The following DNAJC5 variants were observed in gnomAD, a reference collection of about 807,000 sequenced individuals.
DNAJC5 encodes dnaJ homolog subfamily C member 5.
In DNAJC5, 1 loss-of-function variant was observed where a neutral mutation model predicts 23.2. The ratio of observed to expected loss-of-function variants is 0.04; its 90% CI spans 0.02 to 0.20. The LOEUF (loss-of-function observed/expected upper bound fraction) is 0.20. Ranked by LOEUF, DNAJC5 falls within the 10% of genes least tolerant of loss-of-function variation. The pLI, the probability that DNAJC5 is intolerant of heterozygous loss-of-function variation, is 1.00. For synonymous variants in DNAJC5, 136 were observed against 120.0 expected, an observed-to-expected ratio of 1.13 and a Z score of -0.87; for missense variants, 180 against 267.0, an observed-to-expected ratio of 0.67 and a Z score of 2.27.
At chr20:63,926,730 C>T (rs765856003) in intron 1 of DNAJC5, among the ~76,000 whole-genome samples, 6 of 152,170 alleles carry the variant, frequency 3.9e-5, no homozygotes, top group African/African-American at 7.2e-5. Flanking sequence ...CCTTTCTATT[C>T]GGGACCCCCG....
At chr20:63,930,371 G>A (rs891257056) in intron 3 of DNAJC5, among the ~76,000 whole-genome samples, 2 of 151,300 alleles carry the variant, frequency 1.3e-5, no homozygotes, top group African/African-American at 2.4e-5. Context: ...TTTTTGAGAC[G>A]GAGTCTCGCT....
chr20:63,912,361 T>A (rs940848181), intron 1 of DNAJC5, among the ~76,000 whole-genome samples: 12 of 152,214 alleles, frequency 7.9e-5, no homozygotes, highest in Middle Eastern at 3.4e-3. Flanking sequence ...ACACAGCGTC[T>A]TTTCTCTAGC....
chr20:63,896,762 T>G (rs2053378276), intron 1 of DNAJC5, among the ~76,000 whole-genome samples: 1 of 152,154 alleles, frequency 6.6e-6, no homozygotes. Flanking sequence ...TACTGTGAGT[T>G]AGTAAGGTCC....
At chr20:63,927,188 G>C (rs778591617) in intron 1 of DNAJC5, among the ~76,000 whole-genome samples, 9 of 152,160 alleles carry the variant, frequency 5.9e-5, no homozygotes, top group Non-Finnish European at 1.3e-4. Flanking sequence ...TGACTGTCAC[G>C]TCATGGTGGT....
intron 1 of DNAJC5, among the ~76,000 whole-genome samples, chr20:63,926,685 G>A (rs7272419): frequency 1.8e-3 from 275 of 152,302 alleles, no homozygotes; most frequent in African/African-American, 4.4e-3. Context: ...GCTGGCAGGC[G>A]AGAAGGAAAA....
intron 1 of DNAJC5, among the ~76,000 whole-genome samples, chr20:63,896,758 GAGTT>G (rs773475454): frequency 5.9e-5 from 9 of 152,120 alleles, no homozygotes; most frequent in Admixed American, 2.6e-4. Context: ...ATTTTACTGT[GAGTT>G]AGTAAGGTCC....
intron 1 of DNAJC5, among the ~76,000 whole-genome samples, chr20:63,914,569 G>A (rs567252738): frequency 8.0e-5 from 12 of 149,708 alleles, no homozygotes; most frequent in African/African-American, 2.7e-4. Context: ...CACCCGCCTC[G>A]GCCTCCCAAA....
rs576845383 is a variant in DNAJC5 at position 63,920,170 on chromosome 20, G to A, written c.-11-8165G>A. ...CAGCGCCACGGAAGAGGACGCACCC[G>A]GCTGTGTGGCAGGGGAGGTTCCCAA... On this transcript the variant is annotated intron_variant, in intron 1 of 4. Transcript: ENST00000360864. The surrounding 1 kb of genome is among the most constrained non-coding windows in gnomAD (Gnocchi z 4.6). 1.1e-3 allele frequency among the ~76,000 whole-genome samples: 170 copies of A among 152,350 alleles called. No homozygotes were observed. The highest frequency in any genetic ancestry group is 3.7e-3 in the African/African-American group (155 of 41,580).
chr20:63,927,318 C>T (rs2053624639), intron 1 of DNAJC5, among the ~76,000 whole-genome samples: 1 of 152,098 alleles, frequency 6.6e-6, no homozygotes, highest in Non-Finnish European at 1.5e-5. Context: ...GGAGTTCAGC[C>T]TGAGGTCGGG....
chr20:63,906,678 C>T (rs963433269), intron 1 of DNAJC5, among the ~76,000 whole-genome samples: 10 of 151,888 alleles, frequency 6.6e-5, no homozygotes, highest in South Asian at 2.1e-4. Flanking sequence ...CCCAGCTACT[C>T]GGGAGGCTGA....
intron 1 of DNAJC5, among the ~76,000 whole-genome samples, chr20:63,923,002 G>A (rs571205104): frequency 2.6e-5 from 4 of 151,974 alleles, no homozygotes; most frequent in Middle Eastern, 6.8e-3. Flanking sequence ...TTAGCCAGGC[G>A]TGGTGGTACG....
chr20:63,896,988 C>T (rs571023026), intron 1 of DNAJC5, among the ~76,000 whole-genome samples: 1 of 152,054 alleles, frequency 6.6e-6, no homozygotes, highest in Non-Finnish European at 1.5e-5. Context: ...TCTCACCTGC[C>T]CAATGAGGAA....
intron 1 of DNAJC5, among the ~76,000 whole-genome samples, chr20:63,912,036 C>T (rs1482228981): frequency 6.6e-6 from 1 of 152,110 alleles, no homozygotes; most frequent in Admixed American, 6.5e-5. Flanking sequence ...AGCACACTGG[C>T]TCATATCTGT....
At position 63,934,905 on chromosome 20, in the gene DNAJC5, G is replaced by A. The variant is rs938010915; in HGVS notation, c.*3337G>A. On this transcript the variant is annotated 3_prime_UTR_variant, in exon 5 of 5. Coordinates refer to ENST00000360864, the MANE Select transcript of DNAJC5 (RefSeq NM_025219.3). ...ACCAGCATGCAGGCTGCCACTGGAG[G>A]GTCCGGGTGCTGCGGGCAGAGTTCA... 6.6e-6 allele frequency: 1 copy of A among 152,316 alleles called. No homozygotes were observed. The highest frequency in any genetic ancestry group is 1.5e-5 in the Non-Finnish European group (1 of 68,142). The allele number at this position is 152,316 out of a possible 1,614,324, so 9.4% of individuals were successfully genotyped here. A position where few individuals can be genotyped will look rare whatever the true frequency, so the allele number is the denominator to read the frequency against.
At chr20:63,900,575 T>TA (rs1376032330) in intron 1 of DNAJC5, among the ~76,000 whole-genome samples, 1 of 28,184 alleles carries the variant, frequency 3.5e-5, no homozygotes, top group Non-Finnish European at 5.4e-5. Flanking sequence ...AGACACTGTC[T>TA]CAAAAAAAAA....
intron 1 of DNAJC5, among the ~76,000 whole-genome samples, chr20:63,923,443 A>G (rs561118883): frequency 4.8e-4 from 71 of 147,248 alleles, no homozygotes; most frequent in African/African-American, 1.6e-3. Flanking sequence ...CCTTGTTTCT[A>G]AAAAAAAAAA....
chr20:63,900,968 ATTCT>A (rs1243407576), intron 1 of DNAJC5, among the ~76,000 whole-genome samples: 1 of 151,900 alleles, frequency 6.6e-6, no homozygotes, highest in Non-Finnish European at 1.5e-5. Context: ...GTGTCCAGGG[ATTCT>A]TTGTTTGTTT....
At chr20:63,904,896 C>T (rs1169114756) in intron 1 of DNAJC5, among the ~76,000 whole-genome samples, 3 of 151,830 alleles carry the variant, frequency 2.0e-5, no homozygotes, top group Non-Finnish European at 4.4e-5. Flanking sequence ...CTCTGCCTCT[C>T]GGGTTCAAGC....
intron 1 of DNAJC5, among the ~76,000 whole-genome samples, chr20:63,924,565 A>G (rs1408791033): frequency 6.6e-6 from 1 of 152,166 alleles, no homozygotes; most frequent in Non-Finnish European, 1.5e-5. Flanking sequence ...TAAAAACAAA[A>G]ACAAAAAACC....
Sources: gnomAD v4.1 joint callset for allele counts (sites outside exome capture counted in the v4.1 genomes callset) on GRCh38, gnomAD v4.1.1 for gene constraint, Gnocchi (gnomAD v3.1) non-coding constraint, MANE v1.5 for transcripts, NCBI Gene and HGNC (gene_info 2026-07-23, HGNC 2026-07-21) for gene names.